NR5A2: variants seen among roughly 807,000 people sequenced by gnomAD.
The protein encoded by NR5A2 is CYP7A promoter-binding factor.
NR5A2 carries 26 observed loss-of-function variants against 62.7 expected under a neutral mutation model. The ratio of observed to expected loss-of-function variants is 0.41; its 90% confidence interval spans 0.30 to 0.58. The LOEUF (loss-of-function observed/expected upper bound fraction) is 0.58. Among genes scored for constraint, NR5A2 ranks in the 20% least tolerant of loss-of-function variants. The pLI, the probability that NR5A2 is intolerant of heterozygous loss-of-function variation, is 0.22. For synonymous variants in NR5A2, 246 were observed against 241.7 expected (o/e 1.02, Z -0.16); for missense variants, 541 against 669.1 (o/e 0.81, Z 2.11).
chr1:200,119,138 GA>G (rs3838439), intron 6 of NR5A2, among the ~76,000 whole-genome samples: 5,613 of 152,054 alleles, frequency 0.037, 121 homozygotes, highest in East Asian at 0.064. Context: ...TCTCACTCTT[GA>G]AAAAGGTTTC....
intron 7 of NR5A2, among the ~76,000 whole-genome samples, chr1:200,141,861 T>A (rs1667455181): frequency 1.3e-5 from 2 of 152,216 alleles, no homozygotes; most frequent in African/African-American, 4.8e-5. Flanking sequence ...TTTTGATAAT[T>A]TTTAAGGTTT....
intron 4 of NR5A2, 21 bp downstream of exon 4, chr1:200,045,605 A>G (rs1373470431): frequency 2.5e-6 from 4 of 1,596,766 alleles, no homozygotes; most frequent in Non-Finnish European, 3.4e-6. Context: ...TCTAAAGACT[A>G]CTGCCTATTA....
intron 7 of NR5A2, among the ~76,000 whole-genome samples, chr1:200,132,610 C>T (rs1440366211): frequency 2.6e-5 from 4 of 152,198 alleles, no homozygotes; most frequent in African/African-American, 9.7e-5. Flanking sequence ...CTTCATGCCT[C>T]TTCAGTTTCC....
chr1:200,171,887 GT>G (rs1192207909), intron 7 of NR5A2, among the ~76,000 whole-genome samples: 3 of 152,220 alleles, frequency 2.0e-5, no homozygotes, highest in Admixed American at 2.0e-4. Flanking sequence ...CTTTCTTTTT[GT>G]TTTTCCTTAA....
rs75350281 is a variant in NR5A2, at chr1:200,092,407, G to A, written c.1111-18795G>A. Among the ~76,000 whole-genome samples, 845 of 152,200 alleles carry A rather than the reference G, an allele frequency of 5.6e-3. 12 individuals are homozygous for A. The highest frequency in any genetic ancestry group is 0.019 in the African/African-American group (794 of 41,520). ...GATCCCATTTAAGTATGTGGTCTGC[G>A]GTGGAGTCTAATTTGTACCACTAGG... On this transcript the variant is annotated intron_variant, in intron 5 of 7. Coordinates refer to ENST00000367362, the MANE Select transcript of NR5A2 (RefSeq NM_205860.3).
chr1:200,162,351 C>T (rs1653680974), intron 7 of NR5A2, among the ~76,000 whole-genome samples: 1 of 151,598 alleles, frequency 6.6e-6, no homozygotes, highest in Non-Finnish European at 1.5e-5. Context: ...CAAAATTATC[C>T]AAATAAAGGT....
chr1:200,085,994 A>T (rs1297699329), intron 5 of NR5A2, among the ~76,000 whole-genome samples: 1 of 152,010 alleles, frequency 6.6e-6, no homozygotes, highest in Non-Finnish European at 1.5e-5. Context: ...CTAATGTAAG[A>T]GCTGTTTGGT....
chr1:200,168,723 A>G (rs1323559016), intron 7 of NR5A2, among the ~76,000 whole-genome samples: 1 of 152,082 alleles, frequency 6.6e-6, no homozygotes, highest in African/African-American at 2.4e-5. Flanking sequence ...CCCCTCCCCA[A>G]TCCCTAAACA....
chr1:200,092,552 G>C (rs979949677), intron 5 of NR5A2, among the ~76,000 whole-genome samples: 1 of 152,128 alleles, frequency 6.6e-6, no homozygotes, highest in African/African-American at 2.4e-5. Flanking sequence ...GTTAGCTCAC[G>C]TGTGAATGGA....
chr1:200,028,057 C>A (rs953044019), intron 1 of NR5A2, 146 bp downstream of exon 1: 1 of 477,454 alleles, frequency 2.1e-6, no homozygotes, highest in Non-Finnish European at 3.6e-6. Flanking sequence ...GTATATATAT[C>A]ACACATTTAT....
At chr1:200,070,530 A>G (rs1275229978) in intron 5 of NR5A2, among the ~76,000 whole-genome samples, 2 of 152,036 alleles carry the variant, frequency 1.3e-5, no homozygotes, top group Non-Finnish European at 2.9e-5. Context: ...AAATTTAAAA[A>G]TTAGCCAGGT....
chr1:200,087,241 A>AACACACAC (rs34917175), intron 5 of NR5A2, among the ~76,000 whole-genome samples: 503 of 148,606 alleles, frequency 3.4e-3, no homozygotes, highest in African/African-American at 0.01. Flanking sequence ...CTTCTTCACC[A>AACACACAC]ACACACACAC....
At chr1:200,112,672 G>T (rs1666011461) in intron 6 of NR5A2, among the ~76,000 whole-genome samples, 1 of 152,202 alleles carries the variant, frequency 6.6e-6, no homozygotes, top group African/African-American at 2.4e-5. Context: ...GCACCTCTCA[G>T]GAGAAAAGCG....
chr1:200,137,680 G>A (rs1005938246), intron 7 of NR5A2, among the ~76,000 whole-genome samples: 1 of 152,076 alleles, frequency 6.6e-6, no homozygotes, highest in Non-Finnish European at 1.5e-5. Flanking sequence ...ATTTGTGTAC[G>A]TTTTTAAGTA....
intron 1 of NR5A2, among the ~76,000 whole-genome samples, chr1:200,035,635 C>G (rs1206085594): frequency 6.6e-6 from 1 of 152,170 alleles, no homozygotes; most frequent in Admixed American, 6.5e-5. Flanking sequence ...GGGGCGCGCA[C>G]GGCCCCGTAA....
intron 7 of NR5A2, among the ~76,000 whole-genome samples, chr1:200,172,227 GT>G (rs1280235726): frequency 2.0e-5 from 3 of 152,072 alleles, no homozygotes; most frequent in Non-Finnish European, 4.4e-5. Context: ...ATTTCTGATT[GT>G]TTATATTTTG....
At chr1:200,032,108 A>C (rs534213836) in intron 1 of NR5A2, among the ~76,000 whole-genome samples, 1 of 152,200 alleles carries the variant, frequency 6.6e-6, no homozygotes, top group African/African-American at 2.4e-5. Flanking sequence ...CAGGCAAGAC[A>C]ACTTCACTCC....
intron 2 of NR5A2, chr1:200,043,046 G>C: frequency 1.0e-6 from 1 of 971,424 alleles, no homozygotes; most frequent in Non-Finnish European, 1.2e-6. Flanking sequence ...AAACCCTTCT[G>C]TGTGTCTTTT....
intron 5 of NR5A2, among the ~76,000 whole-genome samples, chr1:200,059,313 T>C (rs538655317): frequency 2.0e-4 from 31 of 152,254 alleles, no homozygotes; most frequent in African/African-American, 7.0e-4. Flanking sequence ...CTCCCCAGCT[T>C]GTGAATACCT....
Sources: allele counts gnomAD v4.1 joint callset (sites outside exome capture counted in the v4.1 genomes callset), GRCh38; gene constraint gnomAD v4.1.1; transcripts MANE v1.5; gene names NCBI Gene and HGNC (gene_info 2026-07-23, HGNC 2026-07-21).